HK2: variants seen among roughly 807,000 people sequenced by gnomAD.
HK2 encodes hexokinase 2, also known as hexokinase-2.
HK2 carries 42 observed loss-of-function variants against 92.9 expected under a neutral mutation model. The observed-to-expected ratio is 0.45, with a 90% CI of 0.35 to 0.58. The LOEUF is 0.58. Among genes scored for constraint, HK2 ranks in the 20% least tolerant of loss-of-function variants. The pLI, the probability that HK2 is intolerant of heterozygous loss-of-function variation, is 0.00. For missense variants in HK2, 978 were observed against 1,245.1 expected (o/e 0.79, Z 3.23); for synonymous variants, 422 against 468.0 (o/e 0.90, Z 1.27).
In HK2 at chr2:74,873,861, T is replaced by A. The variant is rs1689160161; in HGVS notation, c.609T>A (p.Ile203=). 6.2e-7 allele frequency: 1 copy of A among 1,613,788 alleles called. No homozygotes were observed. The highest frequency in any genetic ancestry group is 8.5e-7 in the Non-Finnish European group (1 of 1,179,804). Residue 203 remains isoleucine, a synonymous_variant, in exon 6 of 18, where the codon ATT becomes ATA. Coordinates refer to ENST00000290573, the MANE Select transcript of HK2 (RefSeq NM_000189.5). ...IQRRGDFDID[I]VAVVNDTVGT... is the part of the protein sequence containing the mutation. ...CTCCACAGGACTTTGATATCGACAT[T>A]GTGGCTGTGGTGAATGACACAGTTG...
In HK2 at chr2:74,861,801, C is replaced by T. The variant is rs377299845; in HGVS notation, c.227-5835C>T. Reference sequence around the variant, plus strand: ...CAAGTACAACCCAACTGAAAATGTGCCAGCCGCATGTTCTAACTTAGAAAT... The same window carrying T: ...CAAGTACAACCCAACTGAAAATGTGTCAGCCGCATGTTCTAACTTAGAAAT... On this transcript the variant is annotated intron_variant, in intron 2 of 17. Transcript: ENST00000290573. Among the ~76,000 whole-genome samples, 5 of 152,314 alleles carry T rather than the reference C, an allele frequency of 3.3e-5. 1 individual carries two copies. Among genetic ancestry groups the T allele is most frequent in the African/African-American group, 1.2e-4 (5 of 41,558 alleles).
At chr2:74,881,981 C>A (rs1237057048) in intron 11 of HK2, 122 bp downstream of exon 11, 1 of 1,418,058 alleles carries the variant, frequency 7.1e-7, no homozygotes, top group Non-Finnish European at 1.0e-6. Flanking sequence ...AGGGCTGCAG[C>A]CTGGTCTTGA....
intron 1 of HK2, among the ~76,000 whole-genome samples, chr2:74,853,239 G>A (rs970688555): frequency 6.6e-5 from 10 of 152,156 alleles, no homozygotes; most frequent in African/African-American, 1.7e-4. Flanking sequence ...AGGTGGGGCC[G>A]GGTGTGGTGG....
At chr2:74,881,394 C>T (rs1488933480) in intron 10 of HK2, among the ~76,000 whole-genome samples, 1 of 152,232 alleles carries the variant, frequency 6.6e-6, no homozygotes. Context: ...ATTTAACTAT[C>T]AGCCAGATCC....
intron 1 of HK2, among the ~76,000 whole-genome samples, chr2:74,846,037 TCTTCAGGGACTAGGC>T (rs1403023997): frequency 1.3e-5 from 2 of 152,236 alleles, no homozygotes; most frequent in African/African-American, 4.8e-5. Context: ...ATGCTATGGG[TCTTCAGGGACTAGGC>T]CTGTGATTTG....
chr2:74,886,958 T>C (rs1689554011), intron 15 of HK2, among the ~76,000 whole-genome samples: 1 of 152,230 alleles, frequency 6.6e-6, no homozygotes, highest in African/African-American at 2.4e-5. Context: ...CACCTGCTGC[T>C]GACAGGCTGA....
chr2:74,878,569 T>G (rs1268638293), intron 8 of HK2, 119 bp from the exon 9 acceptor site: 4 of 812,946 alleles, frequency 4.9e-6, no homozygotes, highest in Non-Finnish European at 8.4e-6. Flanking sequence ...GAAGAGGGAT[T>G]CTGTCCCCAC....
intron 1 of HK2, among the ~76,000 whole-genome samples, chr2:74,840,870 C>G (rs919591463): frequency 1.1e-4 from 11 of 96,568 alleles, no homozygotes; most frequent in Admixed American, 1.1e-3. Context: ...CAGAGCAAGA[C>G]TCTGTCTCAA....
intron 4 of HK2, among the ~76,000 whole-genome samples, chr2:74,872,621 C>T (rs1039784787): frequency 1.3e-5 from 2 of 152,050 alleles, no homozygotes; most frequent in African/African-American, 4.8e-5. Context: ...TTATCACCCT[C>T]TCTCCCACAC....
rs372422018 is a variant in HK2, at chr2:74,886,513, A to G, written c.2059A>G (p.Met687Val). The G allele has an allele frequency of 2.5e-5, 41 of 1,613,918 alleles. No individual in the cohort carries two copies. The highest frequency in any genetic ancestry group is 1.3e-5 in the African/African-American group (1 of 74,890). ...IVGTGSNACYMEEMRNVELVE... is the reference protein window; with the variant it reads ...IVGTGSNACYVEEMRNVELVE... ...AGGCACGGGCAGCAATGCCTGCTAC[A>G]TGGAGGAGATGCGCAACGTGGAACT... The change falls in exon 15 of 18, where the codon ATG becomes GTG. Residue 687 changes from methionine (M) to valine (V), a missense_variant. By Grantham distance (21) the Met-to-Val change is conservative. Coordinates refer to ENST00000290573, the MANE Select transcript of HK2 (RefSeq NM_000189.5).
At chr2:74,847,613 G>A (rs914120272) in intron 1 of HK2, among the ~76,000 whole-genome samples, 24 of 152,162 alleles carry the variant, frequency 1.6e-4, no homozygotes, top group African/African-American at 5.8e-4. Context: ...GAGCCCAGGA[G>A]TTTAAGGCTG....
rs372633486 is a variant in HK2 at position 74,840,258 on chromosome 2, A to AT, written c.63+5631dup. Among the ~76,000 whole-genome samples, 899 of 132,538 alleles carry AT rather than the reference A, an allele frequency of 6.8e-3. 7 individuals carry two copies. The highest frequency in any genetic ancestry group is 0.027 in the East Asian group (116 of 4,328). 87.0% of individuals were successfully genotyped at this position (132,538 alleles called of 152,430 possible). ...TTTGGCGTGAGCCACCGCGCCAGGCATTTTTTTTTTTTTTTTAAACATCAC... is the reference window on the plus strand; with the variant it reads ...TTTGGCGTGAGCCACCGCGCCAGGCATTTTTTTTTTTTTTTTTAAACATCAC... On this transcript the variant is annotated intron_variant, in intron 1 of 17. Coordinates refer to ENST00000290573, the MANE Select transcript of HK2 (RefSeq NM_000189.5).
At chr2:74,838,134 A>T (rs1688212613) in intron 1 of HK2, among the ~76,000 whole-genome samples, 1 of 152,072 alleles carries the variant, frequency 6.6e-6, no homozygotes, top group Non-Finnish European at 1.5e-5. Context: ...CATTTGTTTC[A>T]TTCCACCATC....
At chr2:74,856,283 T>C (rs1192962106) in intron 2 of HK2, among the ~76,000 whole-genome samples, 1 of 152,152 alleles carries the variant, frequency 6.6e-6, no homozygotes, top group Non-Finnish European at 1.5e-5. Context: ...TGAGACTGTA[T>C]CGTTCCCAAA....
Position 74,890,955 on chromosome 2 carries a change from G to C in HK2, c.*14G>C, listed in dbSNP as rs759590095. The C allele has an allele frequency of 3.1e-6, 5 of 1,613,678 alleles. No individual in the cohort carries two copies. The African/African-American group carries it at 6.7e-5, about 22-fold the overall frequency. On this transcript the variant is annotated 3_prime_UTR_variant, in exon 18 of 18. Coordinates refer to ENST00000290573, the MANE Select transcript of HK2 (RefSeq NM_000189.5). ...GGACAGCGATAGAACCCCTGAAATC[G>C]GAAGGGACTTCCTCTTTCTCTCCTT...
chr2:74,847,038 T>C (rs1688458372), intron 1 of HK2, among the ~76,000 whole-genome samples: 2 of 152,076 alleles, frequency 1.3e-5, no homozygotes, highest in Non-Finnish European at 2.9e-5. Context: ...AACTAAAAGG[T>C]AGGATTTTTA....
At chr2:74,876,917 CTG>C (rs1216379448) in intron 7 of HK2, among the ~76,000 whole-genome samples, 1 of 152,208 alleles carries the variant, frequency 6.6e-6, no homozygotes, top group East Asian at 1.9e-4. Flanking sequence ...TCCATACTCC[CTG>C]TGTGTTTCAT....
chr2:74,863,056 T>C (rs764368069), intron 2 of HK2, among the ~76,000 whole-genome samples: 2 of 152,230 alleles, frequency 1.3e-5, no homozygotes, highest in Admixed American at 6.5e-5. Context: ...AACATAATCA[T>C]GTTTTAACCC....
At chr2:74,836,344 G>A (rs1457078292) in intron 1 of HK2, among the ~76,000 whole-genome samples, 2 of 152,166 alleles carry the variant, frequency 1.3e-5, no homozygotes, top group East Asian at 3.8e-4. Flanking sequence ...TTGGAATGGG[G>A]GTCATCTCTC....
Sources: allele counts gnomAD v4.1 joint callset (sites outside exome capture counted in the v4.1 genomes callset), GRCh38; gene constraint gnomAD v4.1.1; transcripts MANE v1.5; gene names NCBI Gene and HGNC (gene_info 2026-07-23, HGNC 2026-07-21).